Variants in KRT20 observed in about 807,000 individuals in gnomAD.
KRT20 encodes the protein keratin 20.
KRT20 carries 41 observed loss-of-function variants against 43.0 expected under a neutral mutation model. The ratio of observed to expected loss-of-function variants is 0.95; its 90% CI spans 0.74 to 1.24. The LOEUF is 1.24. Ranked by LOEUF, KRT20 falls within the 50% of genes most tolerant of loss-of-function variation. The pLI is 0.00. For synonymous variants in KRT20, 207 were observed against 200.6 expected, an observed-to-expected ratio of 1.03 and a Z score of -0.27; for missense variants, 533 against 521.2, an observed-to-expected ratio of 1.02 and a Z score of -0.22.
chr17:40,882,562 G>T lies in KRT20; in HGVS notation c.473+10C>A. On this transcript the variant is annotated intron_variant, in intron 2 of 7. Coordinates refer to ENST00000167588, the MANE Select transcript of KRT20 (RefSeq NM_019010.3). ...TTTCAGAAACTTTTGCCACGTATTA[G>T]GGAACCTACTTCAGTCTGAAGTCCT... 2 of 1,519,202 alleles carry T rather than the reference G, an allele frequency of 1.3e-6. No individual in the cohort carries two copies. Among genetic ancestry groups the T allele is most frequent in the South Asian group, 1.3e-5 (1 of 78,480 alleles). The allele number at this position is 1,519,202 out of a possible 1,614,324, so 94.1% of individuals were successfully genotyped here.
At chr17:40,882,381 A>T in intron 2 of KRT20, 191 bp downstream of exon 2, 1 of 299,422 alleles carries the variant, frequency 3.3e-6, no homozygotes, top group Non-Finnish European at 6.5e-6. Flanking sequence ...CCGGGGGATC[A>T]AGAAAGAGAA....
intron 2 of KRT20, among the ~76,000 whole-genome samples, chr17:40,881,346 T>A (rs1281099929): frequency 6.6e-6 from 1 of 151,968 alleles, no homozygotes; most frequent in Non-Finnish European, 1.5e-5. Context: ...CCTTTGGGGC[T>A]CAAGCAATCC....
chr17:40,883,477 G>C (rs957272982), intron 1 of KRT20, among the ~76,000 whole-genome samples: 1 of 152,090 alleles, frequency 6.6e-6, no homozygotes, highest in East Asian at 1.9e-4. Flanking sequence ...AAATCATATT[G>C]TGTCCACCAT....
At chr17:40,876,622 A>T (rs1236114134) in intron 7 of KRT20, among the ~76,000 whole-genome samples, 164 bp from the exon 8 acceptor site, 7 of 152,344 alleles carry the variant, frequency 4.6e-5, no homozygotes, top group Non-Finnish European at 1.0e-4. Flanking sequence ...TTATAAATAG[A>T]TGCAGAAAAT....
chr17:40,880,982 G>A (rs1399601491), intron 2 of KRT20, among the ~76,000 whole-genome samples: 1 of 152,132 alleles, frequency 6.6e-6, no homozygotes, highest in Admixed American at 6.5e-5. Context: ...AATTTGGGGT[G>A]ACTGGTAAAA....
rs535326880 is a variant in KRT20 at position 40,883,835 on chromosome 17, T to C, written c.390+961A>G. The stretch of plus-strand genomic sequence containing the variant: ...CTTTATTCCGGAAGGGCTATTTAAA[T>C]GCCATTGCTTCACATGCCCATAGTT... On this transcript the variant is annotated intron_variant, in intron 1 of 7. Transcript: ENST00000167588. 2.6e-5 allele frequency among the ~76,000 whole-genome samples: 4 copies of C among 152,320 alleles called. No individual in the cohort carries two copies. The South Asian group carries it at 8.3e-4, about 32-fold the overall frequency.
intron 7 of KRT20, among the ~76,000 whole-genome samples, chr17:40,877,150 C>T (rs7221531): frequency 0.027 from 4,082 of 152,234 alleles, 172 homozygotes; most frequent in African/African-American, 0.093. Flanking sequence ...CATGGGATGA[C>T]ACAGCAAGAA....
chr17:40,880,581 T>G (rs1220602897), intron 3 of KRT20, 33 bp downstream of exon 3: 7 of 1,590,902 alleles, frequency 4.4e-6, no homozygotes, highest in Non-Finnish European at 5.2e-6. Flanking sequence ...ACCATTCCAT[T>G]GTTTCCAATA....
In KRT20 at chr17:40,877,415, G is replaced by A; in HGVS notation, c.1142C>T (p.Thr381Ile). The change falls in exon 7 of 8, where the codon ACT (threonine) becomes ATT (isoleucine). Residue 381 changes from threonine (T) to isoleucine (I), a missense_variant and splice_region_variant. Thr to Ile is a moderately conservative substitution (Grantham distance 89, BLOSUM62 -1). Transcript: ENST00000167588. Reference protein sequence around the residue: ...RRLLEGEDVKTTEYQLSTLEE... With the variant: ...RRLLEGEDVKITEYQLSTLEE... ...CAGGGTGCTTAACTGATATTCTGTAGTTCTGTTTTTTTTTTTAATGAAAAG... is the reference window on the plus strand; with the variant it reads ...CAGGGTGCTTAACTGATATTCTGTAATTCTGTTTTTTTTTTTAATGAAAAG... The A allele has an allele frequency of 6.7e-7, 1 of 1,493,220 alleles. No individual in the cohort carries two copies. The highest frequency in any genetic ancestry group is 8.9e-7 in the Non-Finnish European group (1 of 1,125,688). 92.5% of individuals were successfully genotyped at this position (1,493,220 alleles called of 1,614,324 possible).
chr17:40,885,163 A>C lies in KRT20; in HGVS notation c.23T>G (p.Phe8Cys), dbSNP rs146492820. Reference protein sequence around the residue: MDFSRRSFHRSLSSSLQA... With the variant: MDFSRRSCHRSLSSSLQA... ...CAAGGAGGAGCTCAGGCTTCTGTGG[A>C]AGCTTCTGCGACTGAAATCCATTGG... The change falls in exon 1 of 8, where the codon TTC (phenylalanine) becomes TGC (cysteine). Residue 8 changes from phenylalanine (F) to cysteine (C), a missense_variant. By Grantham distance (205) the Phe-to-Cys change is radical. Transcript: ENST00000167588. 6 of 1,604,110 alleles carry C rather than the reference A, an allele frequency of 3.7e-6. No homozygotes were observed. The African/African-American group carries it at 6.7e-5, about 18-fold the overall frequency.
In KRT20 at chr17:40,885,105, C is replaced by T; in HGVS notation, c.81G>A (p.Gln27=). ...QAPVVSTVGM[Q]RLGTTPSVYG... ...AAACGCTGGGTGTCGTCCCGAGGCGCTGCATGCCCACTGTACTGACTACAG... is the reference window on the plus strand; with the variant it reads ...AAACGCTGGGTGTCGTCCCGAGGCGTTGCATGCCCACTGTACTGACTACAG... The change falls in exon 1 of 8, where the codon CAG becomes CAA. Residue 27 remains glutamine (Q), a synonymous_variant. Transcript: ENST00000167588. 6.2e-7 allele frequency: 1 copy of T among 1,614,022 alleles called. No homozygotes were observed. The highest frequency in any genetic ancestry group is 8.5e-7 in the Non-Finnish European group (1 of 1,180,024).
intron 6 of KRT20, among the ~76,000 whole-genome samples, chr17:40,877,784 A>T (rs1008300617): frequency 1.3e-5 from 2 of 152,166 alleles, no homozygotes; most frequent in South Asian, 4.1e-4. Context: ...CGTGGACCTC[A>T]GCAGCTTATT....
chr17:40,883,436 C>A (rs1337316203), intron 1 of KRT20, among the ~76,000 whole-genome samples: 1 of 152,202 alleles, frequency 6.6e-6, no homozygotes, highest in East Asian at 1.9e-4. Flanking sequence ...CCTCTGTGTG[C>A]TGGTCCCTCT....
chr17:40,883,453 C>T (rs1419268866), intron 1 of KRT20, among the ~76,000 whole-genome samples: 1 of 152,212 alleles, frequency 6.6e-6, no homozygotes, highest in Admixed American at 6.5e-5. Flanking sequence ...CTCTGTCCAT[C>T]CCTGTATCCT....
chr17:40,882,689 T>TTTATTTA (rs1555553992), intron 1 of KRT20, 35 bp from the exon 2 acceptor site: 149 of 530,972 alleles, frequency 2.8e-4, no homozygotes, highest in African/African-American at 2.3e-3. Context: ...ACATTTTCTT[T>TTTATTTA]TTTATTTATT....
At chr17:40,883,738 A>G (rs986524613) in intron 1 of KRT20, among the ~76,000 whole-genome samples, 6 of 152,210 alleles carry the variant, frequency 3.9e-5, no homozygotes, top group Non-Finnish European at 8.8e-5. Flanking sequence ...ATTTCAGATG[A>G]ACCAAACTAG....
At chr17:40,879,679 G>T in intron 5 of KRT20, 134 bp downstream of exon 5, 1 of 904,482 alleles carries the variant, frequency 1.1e-6, no homozygotes, top group Non-Finnish European at 1.7e-6. Context: ...ATAATCAGTT[G>T]TTCGGCCTGT....
intron 1 of KRT20, 34 bp from the exon 2 acceptor site, chr17:40,882,688 T>TC (rs762945175): frequency 2.2e-6 from 2 of 912,682 alleles, no homozygotes; most frequent in South Asian, 2.6e-5. Context: ...GACATTTTCT[T>TC]TTTTATTTAT....
chr17:40,881,026 T>C (rs962863412), intron 2 of KRT20, among the ~76,000 whole-genome samples: 1 of 152,226 alleles, frequency 6.6e-6, no homozygotes, highest in African/African-American at 2.4e-5. Flanking sequence ...CACTTCTAAA[T>C]TCTAGAATTT....
Sources: gnomAD v4.1 joint callset for allele counts (sites outside exome capture counted in the v4.1 genomes callset) on GRCh38, gnomAD v4.1.1 for gene constraint, MANE v1.5 for transcripts, NCBI Gene and HGNC (gene_info 2026-07-23, HGNC 2026-07-21) for gene names.